The following SNTG2 variants were observed in gnomAD, a reference collection of about 807,000 sequenced individuals.
SNTG2 encodes the protein syntrophin gamma 2.
A neutral mutation model predicts 70.9 loss-of-function variants in SNTG2; 74 were observed. That is an observed-to-expected ratio of 1.04 (90% CI 0.86 to 1.27). The LOEUF (loss-of-function observed/expected upper bound fraction) is 1.27. Ranked by LOEUF, SNTG2 falls within the 50% of genes most tolerant of loss-of-function variation. SNTG2 has a pLI of 0.00. For missense variants in SNTG2, 717 were observed against 690.7 expected (o/e 1.04, Z -0.43); for synonymous variants, 278 against 273.8 (o/e 1.02, Z -0.15).
At chr2:1,339,094 T>C (rs1218869085) in intron 16 of SNTG2, among the ~76,000 whole-genome samples, 3 of 152,210 alleles carry the variant, frequency 2.0e-5, no homozygotes, top group Admixed American at 6.5e-5. Flanking sequence ...GAGGGTTTTG[T>C]TTGTTTGCAT....
chr2:1,255,146 G>A (rs1393182821), intron 12 of SNTG2, among the ~76,000 whole-genome samples: 1 of 152,052 alleles, frequency 6.6e-6, no homozygotes, highest in Non-Finnish European at 1.5e-5. Context: ...TGGATTTCAG[G>A]AAGCCATGGC....
intron 8 of SNTG2, among the ~76,000 whole-genome samples, chr2:1,178,733 A>G (rs1320124876): frequency 7.2e-5 from 11 of 151,786 alleles, no homozygotes; most frequent in African/African-American, 1.4e-4. Context: ...TTTTGCATCA[A>G]TGTTCATCAA....
intron 1 of SNTG2, among the ~76,000 whole-genome samples, chr2:1,009,806 C>G (rs1331235791): frequency 6.6e-6 from 1 of 152,206 alleles, no homozygotes; most frequent in South Asian, 2.1e-4. Flanking sequence ...TTTTCCCTTT[C>G]CTGATCTCAG....
Position 1,367,431 on chromosome 2 carries a change from T to C in SNTG2, c.1577T>C (p.Met526Thr), listed in dbSNP as rs1387868096. 5.2e-6 allele frequency: 8 copies of C among 1,551,636 alleles called. No individual in the cohort carries two copies. In the Admixed American group the frequency reaches 9.8e-5, roughly 19 times the overall value. Residue 526 changes from methionine (M) to threonine (T), a missense_variant, in exon 17 of 17, where the codon ATG (methionine) becomes ACG (threonine). Coordinates refer to ENST00000308624, the MANE Select transcript of SNTG2 (RefSeq NM_018968.4). ...AKVASVDPGF[M>T]DSQSLARKYM... ...GTGGCCTCCGTGGACCCCGGCTTCATGGACAGTCAGAGTCTTGCCAGAAAA... is the reference window on the plus strand; with the variant it reads ...GTGGCCTCCGTGGACCCCGGCTTCACGGACAGTCAGAGTCTTGCCAGAAAA...
At position 1,276,705 on chromosome 2, in the gene SNTG2, A is replaced by G. The variant is rs960143180; in HGVS notation, c.1284+9134A>G. Among the ~76,000 whole-genome samples, 48 of 152,208 alleles carry G rather than the reference A, an allele frequency of 3.2e-4. 1 individual carries two copies. The highest frequency in any genetic ancestry group is 3.9e-4 in the Admixed American group (6 of 15,276). On this transcript the variant is annotated intron_variant, in intron 14 of 16. Coordinates refer to ENST00000308624, the MANE Select transcript of SNTG2 (RefSeq NM_018968.4). ...GGACTAATTTTGACTGTCGAGTTTT[A>G]TTATTTAAGAAATACATCTCATAAG...
chr2:1,030,796 A>G (rs1244300972), intron 1 of SNTG2, among the ~76,000 whole-genome samples: 1 of 152,186 alleles, frequency 6.6e-6, no homozygotes, highest in African/African-American at 2.4e-5. Context: ...GCATTTACTG[A>G]TTTCCTTTTT....
chr2:1,282,846 G>A (rs994498167), intron 14 of SNTG2, among the ~76,000 whole-genome samples: 3 of 151,710 alleles, frequency 2.0e-5, no homozygotes, highest in Non-Finnish European at 4.4e-5. Context: ...GGCATTTCCT[G>A]ATGGTCCCAA....
intron 16 of SNTG2, among the ~76,000 whole-genome samples, chr2:1,339,214 G>GT (rs1376281864): frequency 1.3e-5 from 2 of 152,004 alleles, no homozygotes; most frequent in Non-Finnish European, 2.9e-5. Context: ...TGGATTTTTT[G>GT]TTTTTTTGAT....
rs1659489647 is a variant in SNTG2 at position 1,330,902 on chromosome 2, C to CT, written c.1488+14528dup. Among the ~76,000 whole-genome samples the CT allele has an allele frequency of 2.0e-5, 3 of 152,270 alleles. No homozygotes were observed. The East Asian group carries it at 5.8e-4, about 29-fold the overall frequency. ...CAAAAGTGACCAAGGCTGGCATAGTCTATCAGGTCGATGTGTGCCGGTTGA... is the reference window on the plus strand; with the variant it reads ...CAAAAGTGACCAAGGCTGGCATAGTCTTATCAGGTCGATGTGTGCCGGTTGA... On this transcript the variant is annotated intron_variant, in intron 16 of 16. Coordinates refer to ENST00000308624, the MANE Select transcript of SNTG2 (RefSeq NM_018968.4).
intron 13 of SNTG2, 96 bp downstream of exon 13, chr2:1,259,537 A>C (rs1678307398): frequency 9.9e-7 from 1 of 1,008,254 alleles, no homozygotes; most frequent in Non-Finnish European, 1.5e-6. Flanking sequence ...GGTCCATTGA[A>C]ATAGTAAAAT....
At chr2:1,115,721 T>A (rs1203771501) in intron 4 of SNTG2, among the ~76,000 whole-genome samples, 1 of 117,560 alleles carries the variant, frequency 8.5e-6, no homozygotes, top group African/African-American at 2.8e-5. Flanking sequence ...GTGTACTAAG[T>A]GATGTTTAAG....
chr2:1,254,513 T>C (rs969562433), intron 12 of SNTG2, among the ~76,000 whole-genome samples: 7 of 131,840 alleles, frequency 5.3e-5, no homozygotes, highest in African/African-American at 1.0e-4. Context: ...ATGCAAGAAT[T>C]ATTAGCAATT....
chr2:1,272,384 C>CAG (rs2148191951), intron 14 of SNTG2, among the ~76,000 whole-genome samples: 1 of 143,278 alleles, frequency 7.0e-6, no homozygotes, highest in South Asian at 2.3e-4. Flanking sequence ...TGACAGGAGG[C>CAG]AGAGGTCAGG....
intron 16 of SNTG2, chr2:1,341,038 T>G (rs1028967577): frequency 6.6e-6 from 1 of 152,192 alleles, no homozygotes; most frequent in Non-Finnish European, 1.5e-5. Context: ...AATTTATAGG[T>G]GAGAAAACCA....
At chr2:1,277,974 G>A (rs1209612678) in intron 14 of SNTG2, among the ~76,000 whole-genome samples, 4 of 152,224 alleles carry the variant, frequency 2.6e-5, no homozygotes, top group African/African-American at 9.6e-5. Context: ...GTTTTCCAAT[G>A]AGTAGCATTC....
chr2:1,283,430 T>C (rs1274900347), intron 14 of SNTG2, among the ~76,000 whole-genome samples: 3 of 152,132 alleles, frequency 2.0e-5, no homozygotes, highest in African/African-American at 7.2e-5. Flanking sequence ...CTGTAAGGTG[T>C]CTCTTGTCCA....
chr2:1,088,991 A>G lies in SNTG2; in HGVS notation c.210+5336A>G, dbSNP rs186761532. Among the ~76,000 whole-genome samples, 505 of 152,358 alleles carry G rather than the reference A, an allele frequency of 3.3e-3. 6 individuals are homozygous for G. The highest frequency in any genetic ancestry group is 0.011 in the African/African-American group (467 of 41,592). ...ACAAAGTGCTGGGAAAAGTGCAGAT[A>G]AATTTGGAAGCAAGTGATTTGTGAA... On this transcript the variant is annotated intron_variant, in intron 2 of 16. Coordinates refer to ENST00000308624, the MANE Select transcript of SNTG2 (RefSeq NM_018968.4).
At chr2:1,207,418 GT>G (rs11287841) in intron 8 of SNTG2, among the ~76,000 whole-genome samples, 150,194 of 152,128 alleles carry the variant, frequency 0.99, 74,169 homozygotes, top group Middle Eastern at 1. Flanking sequence ...GGCTATGTGA[GT>G]TTTTTTTTCT....
chr2:1,269,018 C>T (rs1038481555), intron 14 of SNTG2, among the ~76,000 whole-genome samples: 4 of 152,042 alleles, frequency 2.6e-5, no homozygotes, highest in African/African-American at 9.7e-5. Context: ...AGAAGATATC[C>T]TGAATAAGAG....
Sources: allele counts gnomAD v4.1 joint callset (sites outside exome capture counted in the v4.1 genomes callset), GRCh38; gene constraint gnomAD v4.1.1; transcripts MANE v1.5; gene names NCBI Gene and HGNC (gene_info 2026-07-23, HGNC 2026-07-21).